CDYL: variants seen among roughly 807,000 people sequenced by gnomAD.
CDYL encodes chromodomain Y-like protein.
Under a neutral mutation model 47.3 loss-of-function variants are expected in CDYL, and 8 were observed. The observed-to-expected ratio is 0.17, with a 90% CI of 0.10 to 0.31. The LOEUF is 0.31. Among genes scored for constraint, CDYL ranks in the 10% least tolerant of loss-of-function variants. The pLI, the probability that CDYL is intolerant of heterozygous loss-of-function variation, is 1.00. For synonymous variants in CDYL, 266 were observed against 265.0 expected (o/e 1.00, Z -0.04); for missense variants, 471 against 701.4 (o/e 0.67, Z 3.71).
intron 2 of CDYL, among the ~76,000 whole-genome samples, chr6:4,717,703 C>CAAAAAAAAAAAAAA (rs200835710): frequency 1.2e-4 from 6 of 49,346 alleles, no homozygotes; most frequent in African/African-American, 3.7e-4. Context: ...AAGACCCTCA[C>CAAAAAAAAAAAAAA]AAAAAAAAAA....
At chr6:4,748,720 C>G (rs988750233) in intron 3 of CDYL, among the ~76,000 whole-genome samples, 2 of 150,962 alleles carry the variant, frequency 1.3e-5, no homozygotes, top group Non-Finnish European at 3.0e-5. Flanking sequence ...GAAAAGAAAT[C>G]TTGGCAAACT....
chr6:4,929,012 C>T (rs957106975), intron 2 of CDYL, among the ~76,000 whole-genome samples: 13 of 152,122 alleles, frequency 8.5e-5, no homozygotes, highest in African/African-American at 2.9e-4. Context: ...CATTTTTACC[C>T]ATATATTTAC....
rs572126629 is a variant in CDYL at position 4,935,983 on chromosome 6, G to A, written c.948+212G>A. On this transcript the variant is annotated intron_variant, in intron 3 of 6. Transcript: ENST00000397588. ...GCCGTGAATTCAGGATGCTTGGCCT[G>A]TGCTGAGTGTCCATCCCCATTCTCC... Among the ~76,000 whole-genome samples, 9 of 152,312 alleles carry A rather than the reference G, an allele frequency of 5.9e-5. No homozygotes were observed. In the South Asian group the frequency reaches 1.7e-3, roughly 28 times the overall value.
intron 5 of CDYL, among the ~76,000 whole-genome samples, chr6:4,945,388 G>A (rs1005270240): frequency 1.3e-5 from 2 of 152,144 alleles, no homozygotes; most frequent in African/African-American, 4.8e-5. Context: ...GCCAGACTGT[G>A]TCCCCCAGTG....
In CDYL at chr6:4,900,115, A is replaced by G. The variant is rs112229102; in HGVS notation, c.691+7736A>G. Among the ~76,000 whole-genome samples, 10 of 152,264 alleles carry G rather than the reference A, an allele frequency of 6.6e-5. 1 individual carries two copies. Among genetic ancestry groups the G allele is most frequent in the African/African-American group, 2.4e-4 (10 of 41,550 alleles). ...CTGTTACCTCCCCCTCTGAATACCA[A>G]ATTCCCCAGAGAGAACATCAGTAGT... On this transcript the variant is annotated intron_variant, in intron 2 of 6. Transcript: ENST00000397588.
Position 4,954,119 on chromosome 6 carries a change from G to A in CDYL, c.*63G>A, listed in dbSNP as rs1281439333. The A allele has an allele frequency of 6.5e-7, 1 of 1,538,988 alleles. No homozygotes were observed. Among genetic ancestry groups the A allele is most frequent in the African/African-American group, 1.4e-5 (1 of 73,628 alleles). On this transcript the variant is annotated 3_prime_UTR_variant, in exon 7 of 7. Transcript: ENST00000397588. Reference sequence around the variant, plus strand: ...GAGCAGGAGAACATCACCGGCTCCAGTTCCCCTGATCCATTCTCACAGCCT... The same window carrying A: ...GAGCAGGAGAACATCACCGGCTCCAATTCCCCTGATCCATTCTCACAGCCT...
chr6:4,785,279 T>C (rs978429279), intron 1 of CDYL, among the ~76,000 whole-genome samples: 1 of 152,266 alleles, frequency 6.6e-6, no homozygotes, highest in Admixed American at 6.5e-5. Context: ...TGAGAACATA[T>C]CACTGTAGTT....
At chr6:4,823,703 C>T (rs949802845) in intron 1 of CDYL, among the ~76,000 whole-genome samples, 4 of 152,006 alleles carry the variant, frequency 2.6e-5, no homozygotes, top group Admixed American at 2.6e-4. Flanking sequence ...TTTTAAATTC[C>T]CCCAAACAGA....
rs961830715 is a variant in CDYL, at chr6:4,739,280, G to T, written c.186+4436G>T. Among the ~76,000 whole-genome samples the T allele has an allele frequency of 6.6e-5, 10 of 152,160 alleles. 1 individual carries two copies. Among genetic ancestry groups the T allele is most frequent in the Admixed American group, 6.5e-4 (10 of 15,280 alleles). ...CTCCTGTAATCCTAGCACTTTGGGA[G>T]GCTGAGGTGGGTGAATGACCTGAGG... On this transcript the variant is annotated intron_variant, in intron 3 of 8. Transcript: ENST00000328908.
chr6:4,894,640 G>A (rs1015423491), intron 2 of CDYL, among the ~76,000 whole-genome samples: 2 of 152,058 alleles, frequency 1.3e-5, no homozygotes, highest in Non-Finnish European at 2.9e-5. Flanking sequence ...AGTAGAGACA[G>A]GGTTTCACCA....
intron 1 of CDYL, among the ~76,000 whole-genome samples, chr6:4,872,726 T>C (rs974323247): frequency 2.0e-5 from 3 of 152,230 alleles, no homozygotes; most frequent in Non-Finnish European, 4.4e-5. Context: ...CCTATAACAC[T>C]GTAGTTCCTA....
intron 3 of CDYL, among the ~76,000 whole-genome samples, chr6:4,767,249 T>C (rs1440871833): frequency 1.4e-5 from 2 of 145,396 alleles, no homozygotes; most frequent in African/African-American, 5.5e-5. Context: ...AATTCAATAT[T>C]CATTCATGAT....
chr6:4,830,938 A>G (rs1001998303), intron 1 of CDYL, among the ~76,000 whole-genome samples: 2 of 152,034 alleles, frequency 1.3e-5, no homozygotes, highest in Non-Finnish European at 2.9e-5. Context: ...TGAGCTCATC[A>G]TTTTTTATGG....
rs768365537 is a variant in CDYL, at chr6:4,892,263, G to T, written c.575G>T (p.Gly192Val). ...GAAAAGCCGGTCGGAGCTTTATTGG[G>T]CCCCGGTGCCGAGAGGGCCAGGATG... ...AAEKPVGALL[G>V]PGAERARMGS... Residue 192 changes from glycine (G) to valine (V), a missense_variant, in exon 2 of 7, where the codon GGC becomes GTC. Physicochemically the swap from Gly to Val is moderately radical, Grantham distance 109. Coordinates refer to ENST00000397588, the MANE Select transcript of CDYL (RefSeq NM_004824.4). 3.1e-6 allele frequency: 5 copies of T among 1,614,078 alleles called. No individual in the cohort carries two copies. The East Asian group carries it at 6.7e-5, about 22-fold the overall frequency.
chr6:4,804,604 A>G (rs1195382838), intron 1 of CDYL, among the ~76,000 whole-genome samples: 2 of 152,060 alleles, frequency 1.3e-5, no homozygotes, highest in African/African-American at 4.8e-5. Flanking sequence ...CTCTCGCCCC[A>G]CTGCTGTAAA....
chr6:4,767,194 C>A (rs561645345), intron 3 of CDYL, among the ~76,000 whole-genome samples: 2 of 150,792 alleles, frequency 1.3e-5, no homozygotes, highest in African/African-American at 4.9e-5. Context: ...AATGCATTTA[C>A]AAAATGAAGG....
intron 1 of CDYL, among the ~76,000 whole-genome samples, chr6:4,832,942 T>C (rs1235345396): frequency 6.6e-6 from 1 of 152,092 alleles, no homozygotes; most frequent in Non-Finnish European, 1.5e-5. Context: ...TCATTTTTTA[T>C]TGCGTCTATT....
chr6:4,832,574 A>G (rs1439792591), intron 1 of CDYL, among the ~76,000 whole-genome samples: 9 of 150,962 alleles, frequency 6.0e-5, no homozygotes, highest in Admixed American at 5.3e-4. Context: ...TTGGTATCAG[A>G]ATGATGCTGG....
At chr6:4,890,165 C>G in intron 1 of CDYL, 1 of 985,054 alleles carries the variant, frequency 1.0e-6, no homozygotes, top group Non-Finnish European at 1.2e-6. Flanking sequence ...TTAAACATAG[C>G]TTTCCTACAA....
Sources: allele counts gnomAD v4.1 joint callset (sites outside exome capture counted in the v4.1 genomes callset), GRCh38; gene constraint gnomAD v4.1.1; transcripts MANE v1.5; gene names NCBI Gene and HGNC (gene_info 2026-07-23, HGNC 2026-07-21).